GNPTAB: variants seen among roughly 807,000 people sequenced by gnomAD.
GNPTAB encodes the protein N-acetylglucosamine-1-phosphate transferase subunits alpha and beta, also known as N-acetylglucosamine-1-phosphotransferase subunits alpha/beta.
In GNPTAB, 92 loss-of-function variants were observed where a neutral mutation model predicts 136.6. That is an observed-to-expected ratio of 0.67 (90% CI 0.57 to 0.80). The LOEUF is 0.80. Ranked by LOEUF, GNPTAB falls within the 30% of genes least tolerant of loss-of-function variation. The pLI is 0.00. For missense variants in GNPTAB, 1,343 were observed against 1,501.8 expected (o/e 0.89, Z 1.75); for synonymous variants, 512 against 535.1 (o/e 0.96, Z 0.60).
At position 101,757,258 on chromosome 12, in the gene GNPTAB, C is replaced by G; in HGVS notation, c.3388G>C (p.Val1130Leu). The G allele has an allele frequency of 1.2e-6, 2 of 1,610,184 alleles. No individual in the cohort carries two copies. The change falls in exon 18 of 21, where the codon GTT becomes CTT. Residue 1130 changes from valine to leucine, a missense_variant. Transcript: ENST00000299314. The part of the protein sequence containing the change: ...EIAFKMIRTN[V>L]SHVVGQLDDI... ...TCCAACTGGCCAACCACATGAGAAA[C>G]GTTGGTACGAATCATTTTAAAAGCG...
intron 1 of GNPTAB, among the ~76,000 whole-genome samples, chr12:101,806,981 A>G (rs1869965372): frequency 6.6e-6 from 1 of 152,206 alleles, no homozygotes; most frequent in South Asian, 2.1e-4. Flanking sequence ...ATTACAAGAA[A>G]GGAAACTTAT....
At chr12:101,824,428 A>AT (rs1566103056) in intron 1 of GNPTAB, among the ~76,000 whole-genome samples, 11 of 84,068 alleles carry the variant, frequency 1.3e-4, no homozygotes, top group Admixed American at 2.7e-4. Flanking sequence ...ATATATATAT[A>AT]TATATTTTCT....
intron 13 of GNPTAB, among the ~76,000 whole-genome samples, chr12:101,762,573 C>A (rs1206317252): frequency 6.6e-6 from 1 of 152,100 alleles, no homozygotes; most frequent in Non-Finnish European, 1.5e-5. Flanking sequence ...AAATAACTAA[C>A]CTGCAGCCAT....
rs138390866 is a variant in GNPTAB at position 101,761,615 on chromosome 12, G to A, written c.2864C>T (p.Ala955Val). 23 of 1,614,146 alleles carry A rather than the reference G, an allele frequency of 1.4e-5. No individual in the cohort carries two copies. The highest frequency in any genetic ancestry group is 1.9e-5 in the Non-Finnish European group (23 of 1,180,000). ...CCGGTCAATCATGTGAGGCATGTGA[G>A]CAGGGACTTTCCGCGATGTGAATCC... Reference protein sequence around the residue: ...KFGFTSRKVPAHMPHMIDRIV... With the variant: ...KFGFTSRKVPVHMPHMIDRIV... The change falls in exon 14 of 21, where the codon GCT becomes GTT. Residue 955 changes from alanine (A) to valine (V), a missense_variant. Physicochemically the swap from Ala to Val is moderately conservative, Grantham distance 64. Transcript: ENST00000299314.
At chr12:101,796,784 G>GTTTCT in intron 1 of GNPTAB, 22 bp from the exon 2 acceptor site, 2 of 1,479,564 alleles carry the variant, frequency 1.4e-6, no homozygotes, top group Non-Finnish European at 1.9e-6. Flanking sequence ...AAAAAGAAAC[G>GTTTCT]TTTTCTTCGC....
intron 1 of GNPTAB, among the ~76,000 whole-genome samples, chr12:101,807,799 G>A (rs775513219): frequency 8.6e-5 from 13 of 151,986 alleles, no homozygotes; most frequent in Non-Finnish European, 1.2e-4. Context: ...GTGTGGCGGC[G>A]CACACTTGTA....
chr12:101,788,109 G>C (rs1367702717), intron 4 of GNPTAB, among the ~76,000 whole-genome samples: 1 of 152,146 alleles, frequency 6.6e-6, no homozygotes, highest in Non-Finnish European at 1.5e-5. Context: ...TTTGGTTCTT[G>C]TTGTTGGGCT....
In GNPTAB at chr12:101,830,168, G is replaced by A. The variant is rs900294241; in HGVS notation, c.117+391C>T. ...AGCACTTTAGAAAGCCAAGAAGGGAGGATCACTTGAGCCCAGGACTTCCAG... is the reference window on the plus strand; with the variant it reads ...AGCACTTTAGAAAGCCAAGAAGGGAAGATCACTTGAGCCCAGGACTTCCAG... On this transcript the variant is annotated intron_variant, in intron 1 of 20. Transcript: ENST00000299314. Among the ~76,000 whole-genome samples the A allele has an allele frequency of 4.6e-5, 7 of 152,314 alleles. No homozygotes were observed. The East Asian group carries it at 7.7e-4, about 17-fold the overall frequency.
intron 1 of GNPTAB, among the ~76,000 whole-genome samples, chr12:101,802,753 C>G (rs185484349): frequency 7.9e-5 from 12 of 152,222 alleles, no homozygotes; most frequent in Admixed American, 6.5e-4. Context: ...TAGTGAACAG[C>G]CTTTCTCAAG....
At chr12:101,771,315 C>T (rs978908393) in intron 7 of GNPTAB, among the ~76,000 whole-genome samples, 158 bp from the exon 8 acceptor site, 1 of 151,252 alleles carries the variant, frequency 6.6e-6, no homozygotes. Flanking sequence ...ACGATCTCTG[C>T]TCACCTCAAC....
chr12:101,748,058 C>T (rs1450977411), intron 20 of GNPTAB, among the ~76,000 whole-genome samples: 3 of 152,184 alleles, frequency 2.0e-5, no homozygotes, highest in Non-Finnish European at 4.4e-5. Flanking sequence ...AAAGGTTTCT[C>T]ACTGGACCCT....
chr12:101,759,280 G>A (rs956322512), intron 16 of GNPTAB, among the ~76,000 whole-genome samples: 9 of 150,260 alleles, frequency 6.0e-5, no homozygotes, highest in African/African-American at 1.5e-4. Flanking sequence ...GGAGAATGGC[G>A]TGAACCCGGA....
intron 1 of GNPTAB, among the ~76,000 whole-genome samples, chr12:101,799,476 TAGTA>T (rs762166132): frequency 1.1e-4 from 17 of 152,296 alleles, no homozygotes; most frequent in Non-Finnish European, 2.1e-4. Flanking sequence ...GAACATTTAT[TAGTA>T]AGGAAGAGAA....
chr12:101,763,751 A>G (rs551857088), intron 13 of GNPTAB, among the ~76,000 whole-genome samples: 1 of 152,336 alleles, frequency 6.6e-6, no homozygotes, highest in Admixed American at 6.5e-5. Context: ...AGCACAGTGA[A>G]GCCATGGTAC....
chr12:101,750,246 C>T (rs777987460), intron 19 of GNPTAB, among the ~76,000 whole-genome samples: 1 of 152,216 alleles, frequency 6.6e-6, no homozygotes, highest in Admixed American at 6.5e-5. Flanking sequence ...CTAGTAACTA[C>T]CAAACTCTGG....
At chr12:101,759,624 C>T (rs891945409) in intron 16 of GNPTAB, among the ~76,000 whole-genome samples, 2 of 152,100 alleles carry the variant, frequency 1.3e-5, no homozygotes, top group Non-Finnish European at 2.9e-5. Flanking sequence ...GTTAATCACC[C>T]ACTGCCCCTA....
At chr12:101,826,443 G>A (rs1825426171) in intron 1 of GNPTAB, among the ~76,000 whole-genome samples, 1 of 151,962 alleles carries the variant, frequency 6.6e-6, no homozygotes, top group Non-Finnish European at 1.5e-5. Flanking sequence ...CTGAATACTG[G>A]AGGGGCTTTC....
chr12:101,759,705 A>C (rs935895657), intron 16 of GNPTAB, among the ~76,000 whole-genome samples: 8 of 152,188 alleles, frequency 5.3e-5, no homozygotes, highest in Admixed American at 3.3e-4. Flanking sequence ...CCATGTGATG[A>C]ATATTTCCTT....
At chr12:101,812,821 T>C (rs1200968467) in intron 1 of GNPTAB, among the ~76,000 whole-genome samples, 3 of 152,194 alleles carry the variant, frequency 2.0e-5, no homozygotes, top group Non-Finnish European at 4.4e-5. Flanking sequence ...TTTTTGATTG[T>C]AGAGATGGGG....
Sources: allele counts gnomAD v4.1 joint callset (sites outside exome capture counted in the v4.1 genomes callset), GRCh38; gene constraint gnomAD v4.1.1; transcripts MANE v1.5; gene names NCBI Gene and HGNC (gene_info 2026-07-23, HGNC 2026-07-21).